The following AKAP19 variants were observed in gnomAD, a reference collection of about 807,000 sequenced individuals.
AKAP19 encodes the protein small A-kinase anchoring protein.
chr2:190,003,781 T>G, the AKAP19 span, among the ~76,000 whole-genome samples: 1 of 152,018 alleles, frequency 6.6e-6, no homozygotes, highest in Non-Finnish European at 1.5e-5. Context: ...GTACAATAAT[T>G]GCTTGAACCT....
chr2:190,165,519 T>C, the AKAP19 span, among the ~76,000 whole-genome samples: 2 of 152,038 alleles, frequency 1.3e-5, no homozygotes, highest in African/African-American at 4.8e-5. Context: ...TAACAAAAAT[T>C]AACCCAAAGC....
At chr2:189,954,076 A>C in the AKAP19 span, among the ~76,000 whole-genome samples, 1 of 152,226 alleles carries the variant, frequency 6.6e-6, no homozygotes, top group Non-Finnish European at 1.5e-5. Flanking sequence ...AATCCCTGTC[A>C]GTGGGAAGGC....
the AKAP19 span, among the ~76,000 whole-genome samples, chr2:190,149,434 T>G: frequency 6.6e-6 from 1 of 152,192 alleles, no homozygotes; most frequent in Non-Finnish European, 1.5e-5. Flanking sequence ...TTGTGCTCTT[T>G]CAGCGTTTTT....
chr2:189,996,160 G>A, the AKAP19 span, among the ~76,000 whole-genome samples: 1 of 152,194 alleles, frequency 6.6e-6, no homozygotes, highest in Admixed American at 6.5e-5. Flanking sequence ...GGCCAGGGAA[G>A]TTTTCCTCAA....
chr2:190,017,086 A>G, the AKAP19 span, among the ~76,000 whole-genome samples: 2 of 152,172 alleles, frequency 1.3e-5, no homozygotes, highest in Non-Finnish European at 2.9e-5. Flanking sequence ...TTTATCTGGT[A>G]TAAGTATGGC....
chr2:190,053,173 A>G, the AKAP19 span, among the ~76,000 whole-genome samples: 10,527 of 152,230 alleles, frequency 0.069, 864 homozygotes, highest in African/African-American at 0.2. Flanking sequence ...GTGTAATGTT[A>G]AACCTGACAT....
At chr2:189,917,019 T>TA in the AKAP19 span, among the ~76,000 whole-genome samples, 1 of 152,190 alleles carries the variant, frequency 6.6e-6, no homozygotes, top group Non-Finnish European at 1.5e-5. Context: ...GTGGGGATAC[T>TA]AAATGTGGCA....
At chr2:189,896,714 G>C in the AKAP19 span, among the ~76,000 whole-genome samples, 3 of 152,076 alleles carry the variant, frequency 2.0e-5, no homozygotes, top group South Asian at 6.3e-4. Flanking sequence ...TGAATTTTAG[G>C]CAATATAGGG....
chr2:190,131,257 A>T, the AKAP19 span, among the ~76,000 whole-genome samples: 147 of 152,330 alleles, frequency 9.7e-4, no homozygotes, highest in Non-Finnish European at 1.7e-3. Context: ...AGAAAGACTA[A>T]GCCATAGTTC....
At chr2:190,123,914 G>A in the AKAP19 span, among the ~76,000 whole-genome samples, 1 of 152,196 alleles carries the variant, frequency 6.6e-6, no homozygotes, top group African/African-American at 2.4e-5. Flanking sequence ...AATGATGGAT[G>A]TATTGATCTA....
the AKAP19 span, among the ~76,000 whole-genome samples, chr2:190,054,773 A>G: frequency 2.6e-5 from 4 of 152,336 alleles, no homozygotes; most frequent in Admixed American, 6.5e-5. Context: ...CAAAACCACA[A>G]TGAGATACCA....
At chr2:190,018,691 T>C in the AKAP19 span, among the ~76,000 whole-genome samples, 2 of 152,208 alleles carry the variant, frequency 1.3e-5, no homozygotes, top group Non-Finnish European at 2.9e-5. Flanking sequence ...GGAGGAGTCA[T>C]GATTCCCTTA....
the AKAP19 span, among the ~76,000 whole-genome samples, chr2:190,038,497 C>G: frequency 1.3e-5 from 2 of 152,180 alleles, no homozygotes; most frequent in Non-Finnish European, 2.9e-5. Flanking sequence ...TTCTGACTCT[C>G]CACATTACAC....
chr2:189,958,241 C>T, the AKAP19 span, among the ~76,000 whole-genome samples: 7 of 152,166 alleles, frequency 4.6e-5, 1 homozygote, highest in South Asian at 4.1e-4. Context: ...AAAAGCACTT[C>T]GCAAGTGGTT....
chr2:190,025,777 AT>A, the AKAP19 span, among the ~76,000 whole-genome samples: 1 of 152,190 alleles, frequency 6.6e-6, no homozygotes, highest in Non-Finnish European at 1.5e-5. Flanking sequence ...CCCAATCTTT[AT>A]CCCCAAGCAC....
chr2:189,963,825 G>A, the AKAP19 span, among the ~76,000 whole-genome samples: 1 of 151,006 alleles, frequency 6.6e-6, no homozygotes, highest in Admixed American at 6.6e-5. Flanking sequence ...GTGCAGTGGT[G>A]CGATCACAGC....
the AKAP19 span, among the ~76,000 whole-genome samples, chr2:190,086,922 T>A: frequency 6.6e-6 from 1 of 152,214 alleles, no homozygotes; most frequent in African/African-American, 2.4e-5. Context: ...GTGGCTGATG[T>A]GGCAGTCTCA....
At chr2:189,987,891 A>G in the AKAP19 span, among the ~76,000 whole-genome samples, 12 of 152,278 alleles carry the variant, frequency 7.9e-5, no homozygotes, top group East Asian at 2.3e-3. Context: ...CAATACAGAA[A>G]GAGTAATACA....
At chr2:190,014,417 TTCAC>T in the AKAP19 span, among the ~76,000 whole-genome samples, 2 of 152,014 alleles carry the variant, frequency 1.3e-5, no homozygotes, top group Non-Finnish European at 2.9e-5. Context: ...CTCATGAAAA[TTCAC>T]TCACTATTAC....
Sources: allele counts gnomAD v4.1 joint callset (sites outside exome capture counted in the v4.1 genomes callset), GRCh38; gene constraint gnomAD v4.1.1; transcripts MANE v1.5; gene names NCBI Gene and HGNC (gene_info 2026-07-23, HGNC 2026-07-21).